ECD: variants seen among roughly 807,000 people sequenced by gnomAD.
ECD encodes ecdysoneless cell cycle regulator.
In ECD, 59 loss-of-function variants were observed where a neutral mutation model predicts 77.2. That is an observed-to-expected ratio of 0.76 (90% CI 0.62 to 0.95). The LOEUF is 0.95. Ranked by LOEUF, ECD falls within the 40% of genes least tolerant of loss-of-function variation. ECD has a pLI of 0.00. For synonymous variants in ECD, 233 were observed against 267.4 expected, an observed-to-expected ratio of 0.87 and a Z score of 1.26; for missense variants, 704 against 763.4, an observed-to-expected ratio of 0.92 and a Z score of 0.92.
chr10:73,136,923 A>G lies in ECD; in HGVS notation c.1490-5T>C. 6.7e-7 allele frequency: 1 copy of G among 1,497,942 alleles called. No individual in the cohort carries two copies. The highest frequency in any genetic ancestry group is 8.9e-7 in the Non-Finnish European group (1 of 1,117,934). The allele number at this position is 1,497,942 out of a possible 1,614,324, so 92.8% of individuals were successfully genotyped here. A position where few individuals can be genotyped will look rare whatever the true frequency, so the allele number is the denominator to read the frequency against. On this transcript the variant is annotated splice_polypyrimidine_tract_variant and splice_region_variant and intron_variant, in intron 12 of 13. Transcript: ENST00000372979. Reference sequence around the variant, plus strand: ...CTGACTCATTAGGCCTTGGCCCTACACAGATCCCAAGAAAGAAAGAGCCAC... The same window carrying G: ...CTGACTCATTAGGCCTTGGCCCTACGCAGATCCCAAGAAAGAAAGAGCCAC...
intron 6 of ECD, 24 bp downstream of exon 6, chr10:73,154,232 A>G (rs762931298): frequency 6.4e-7 from 1 of 1,558,546 alleles, no homozygotes; most frequent in Non-Finnish European, 8.7e-7. Flanking sequence ...AAGAGAAACT[A>G]AATGACCAAG....
At chr10:73,148,545 T>C (rs1421572804) in intron 7 of ECD, 141 bp from the exon 8 acceptor site, 13 of 851,242 alleles carry the variant, frequency 1.5e-5, no homozygotes, top group Non-Finnish European at 2.0e-5. Context: ...ATAACACTTT[T>C]TGAATTTTAT....
intron 9 of ECD, 112 bp from the exon 10 acceptor site, chr10:73,139,849 G>GTT (rs79373628): frequency 2.6e-3 from 1,119 of 435,014 alleles, no homozygotes; most frequent in Middle Eastern, 3.2e-3. Flanking sequence ...TTTGGGGAGT[G>GTT]TTTTTTTTTT....
At chr10:73,152,611 T>C (rs1843228616) in intron 6 of ECD, among the ~76,000 whole-genome samples, 190 bp from the exon 7 acceptor site, 1 of 152,090 alleles carries the variant, frequency 6.6e-6, no homozygotes, top group Non-Finnish European at 1.5e-5. Flanking sequence ...TCACATACCA[T>C]AAAATTTACC....
intron 11 of ECD, among the ~76,000 whole-genome samples, chr10:73,138,854 C>T (rs144089543): frequency 2.6e-5 from 4 of 152,264 alleles, no homozygotes; most frequent in African/African-American, 9.6e-5. Context: ...CATGAGCCAC[C>T]GCGCCCAGCC....
At chr10:73,154,478 T>C in intron 5 of ECD, 30 bp from the exon 6 acceptor site, 1 of 1,568,592 alleles carries the variant, frequency 6.4e-7, no homozygotes, top group Non-Finnish European at 8.6e-7. Flanking sequence ...TACTTTCATT[T>C]TACAGTATAT....
chr10:73,152,500 G>A (rs1315760021), intron 6 of ECD, 79 bp from the exon 7 acceptor site: 1 of 1,491,612 alleles, frequency 6.7e-7, no homozygotes, highest in Non-Finnish European at 9.2e-7. Context: ...TAAATATAAT[G>A]AGAAGTCCAT....
chr10:73,159,224 T>TG (rs1389088274), intron 3 of ECD, among the ~76,000 whole-genome samples: 5 of 152,370 alleles, frequency 3.3e-5, no homozygotes, highest in African/African-American at 7.2e-5. Flanking sequence ...AAAATATAAG[T>TG]GGGCGGAACG....
At chr10:73,147,632 T>G (rs2395012) in intron 8 of ECD, among the ~76,000 whole-genome samples, 23,907 of 152,128 alleles carry the variant, frequency 0.16, 3,126 homozygotes, top group African/African-American at 0.33. Flanking sequence ...ATCATCATAT[T>G]CTTCGGGACT....
At chr10:73,156,759 T>C (rs569207524) in intron 3 of ECD, 104 bp from the exon 4 acceptor site, 1 of 1,116,142 alleles carries the variant, frequency 9.0e-7, no homozygotes, top group Admixed American at 1.9e-5. Flanking sequence ...TAGTAAATAT[T>C]TGAGTATGTA....
chr10:73,150,582 C>G (rs1453263776), intron 7 of ECD, among the ~76,000 whole-genome samples: 1 of 152,180 alleles, frequency 6.6e-6, no homozygotes, highest in Non-Finnish European at 1.5e-5. Flanking sequence ...TCAGGGTGAA[C>G]AGGCAACCTA....
In ECD at chr10:73,139,677, A is replaced by T. The variant is rs775500009; in HGVS notation, c.1188T>A (p.Asp396Glu). ...CTGCTTCTTTCTTAAGGTCTTCTAT[A>T]TCAAATGGTATTGTCTGTAATAAGG... ...ILTLLQTIPFDIEDLKKEAAN... is the reference protein window; with the variant it reads ...ILTLLQTIPFEIEDLKKEAAN... The change falls in exon 10 of 14, where the codon GAT becomes GAA. Residue 396 changes from aspartate (D) to glutamate (E), a missense_variant. Transcript: ENST00000372979. 16 of 1,612,172 alleles carry T rather than the reference A, an allele frequency of 9.9e-6. No individual in the cohort carries two copies. The South Asian group carries it at 1.3e-4, about 13-fold the overall frequency.
At position 73,139,326 on chromosome 10, in the gene ECD, C is replaced by T; in HGVS notation, c.1404G>A (p.Lys468=). The T allele has an allele frequency of 6.2e-7, 1 of 1,613,372 alleles. No homozygotes were observed. Among genetic ancestry groups the T allele is most frequent in the Non-Finnish European group, 8.5e-7 (1 of 1,179,802 alleles). ...CAAATTACCGAGGCAGCTCTGCTCCCTTGTGGGTTGAGACTTTGGATATGA... is the reference window on the plus strand; with the variant it reads ...CAAATTACCGAGGCAGCTCTGCTCCTTTGTGGGTTGAGACTTTGGATATGA... ...KAFISKVSTH[K]GAELPREPSE... is the part of the protein sequence containing the mutation. Residue 468 remains lysine (K), a synonymous_variant, in exon 11 of 14, where the codon AAG becomes AAA. Transcript: ENST00000372979.
At chr10:73,152,245 G>A (rs753718833) in intron 7 of ECD, 48 bp downstream of exon 7, 1 of 1,595,688 alleles carries the variant, frequency 6.3e-7, no homozygotes, top group South Asian at 1.1e-5. Flanking sequence ...TCTATTAAGA[G>A]TCCATTTACA....
intron 1 of ECD, 21 bp from the exon 2 acceptor site, chr10:73,163,971 T>C: frequency 6.3e-7 from 1 of 1,597,652 alleles, no homozygotes; most frequent in Non-Finnish European, 8.6e-7. Flanking sequence ...AGTTCCAAAA[T>C]ATAAACCACA....
chr10:73,157,436 T>C (rs1457951701), intron 3 of ECD, among the ~76,000 whole-genome samples: 2 of 151,408 alleles, frequency 1.3e-5, no homozygotes, highest in South Asian at 2.1e-4. Flanking sequence ...AAAAGTTACA[T>C]GGCCAGGTGC....
chr10:73,148,258 A>C lies in ECD; in HGVS notation c.1041+18T>G. ...CCCTGGATTGAATACTTAAAAGCAA[A>C]TATATTGCAAGTCCTACCTTAAAGT... On this transcript the variant is annotated intron_variant, in intron 8 of 13. Transcript: ENST00000372979. 2 of 1,611,674 alleles carry C rather than the reference A, an allele frequency of 1.2e-6. No individual in the cohort carries two copies. The highest frequency in any genetic ancestry group is 1.7e-6 in the Non-Finnish European group (2 of 1,178,716).
At chr10:73,147,161 C>T (rs1843141139) in intron 8 of ECD, among the ~76,000 whole-genome samples, 1 of 152,164 alleles carries the variant, frequency 6.6e-6, no homozygotes, top group Admixed American at 6.5e-5. Context: ...AGGAGGATCA[C>T]TTGAGCCTAG....
Position 73,163,900 on chromosome 10 carries a change from G to A in ECD, c.38C>T (p.Thr13Ile). The stretch of plus-strand genomic sequence containing the variant: ...TATCAGGAACAGGCAGTACTCCACT[G>A]TGTCTTCCATCGTAGCAAGCTTCAT... ...ETMKLATMED[T>I]VEYCLFLIPD... Residue 13 changes from threonine to isoleucine, a missense_variant, in exon 2 of 14, where the codon ACA becomes ATA. Thr to Ile is a moderately conservative substitution (Grantham distance 89). This residue lies in a region of ECD where 559 missense variants were observed against 583.7 expected (regional missense o/e 0.96). Coordinates refer to ENST00000372979, the MANE Select transcript of ECD (RefSeq NM_007265.3). The A allele has an allele frequency of 6.2e-7, 1 of 1,614,200 alleles. No individual in the cohort carries two copies.
Sources: allele counts gnomAD v4.1 joint callset (sites outside exome capture counted in the v4.1 genomes callset), GRCh38; gene constraint gnomAD v4.1.1; regional missense constraint gnomAD v4.1.1; transcripts MANE v1.5; gene names NCBI Gene and HGNC (gene_info 2026-07-23, HGNC 2026-07-21).